The following ITGA9 variants were observed in gnomAD, a reference collection of about 807,000 sequenced individuals.
ITGA9 encodes the protein integrin subunit alpha 9.
In ITGA9, 56 loss-of-function variants were observed where a neutral mutation model predicts 127.8. The observed-to-expected ratio is 0.44, with a 90% CI of 0.35 to 0.55. The LOEUF is 0.55. Ranked by LOEUF, ITGA9 falls within the 20% of genes least tolerant of loss-of-function variation. ITGA9 has a pLI of 0.00. For missense variants in ITGA9, 1,196 were observed against 1,347.1 expected (o/e 0.89, Z 1.76); for synonymous variants, 508 against 514.5 (o/e 0.99, Z 0.17).
intron 18 of ITGA9, among the ~76,000 whole-genome samples, chr3:37,730,573 G>A (rs746604845): frequency 6.6e-6 from 1 of 152,138 alleles, no homozygotes; most frequent in African/African-American, 2.4e-5. Context: ...TCTCTGCTGG[G>A]AGGTCCCCAC....
At chr3:37,803,701 GAGGTAGAGGTTGC>G (rs1391035730) in intron 26 of ITGA9, 109 bp from the exon 27 acceptor site, 2 of 1,088,704 alleles carry the variant, frequency 1.8e-6, no homozygotes, top group African/African-American at 3.1e-5. Flanking sequence ...TTGAACCCAG[GAGGTAGAGGTTGC>G]AGTGAGCCGA....
At chr3:37,674,506 A>T (rs1169035563) in intron 17 of ITGA9, among the ~76,000 whole-genome samples, 1 of 152,228 alleles carries the variant, frequency 6.6e-6, no homozygotes, top group Non-Finnish European at 1.5e-5. Context: ...GTCCCTAGTG[A>T]GTCTACCCAA....
At chr3:37,739,694 T>C (rs1375089613) in intron 20 of ITGA9, among the ~76,000 whole-genome samples, 6 of 152,236 alleles carry the variant, frequency 3.9e-5, no homozygotes, top group African/African-American at 1.4e-4. Flanking sequence ...CTTTTGATGT[T>C]TGACGTCTTT....
chr3:37,523,751 G>A (rs1559527781), intron 12 of ITGA9, 140 bp downstream of exon 12: 2 of 728,970 alleles, frequency 2.7e-6, no homozygotes, highest in Non-Finnish European at 5.0e-6. Flanking sequence ...GTTTTGCCTG[G>A]TGTTCAATTT....
chr3:37,638,277 G>A (rs1030488250), intron 16 of ITGA9, among the ~76,000 whole-genome samples: 4 of 152,036 alleles, frequency 2.6e-5, no homozygotes, highest in African/African-American at 4.8e-5. Context: ...TGGAGAGGAG[G>A]ACTCAGTATG....
At chr3:37,503,977 G>A (rs1479686758) in intron 6 of ITGA9, among the ~76,000 whole-genome samples, 1 of 152,218 alleles carries the variant, frequency 6.6e-6, no homozygotes, top group Non-Finnish European at 1.5e-5. Flanking sequence ...GATTGAAAGC[G>A]AAGCTAAATT....
chr3:37,504,792 G>A (rs1222438841), intron 6 of ITGA9, among the ~76,000 whole-genome samples: 1 of 152,204 alleles, frequency 6.6e-6, no homozygotes, highest in Non-Finnish European at 1.5e-5. Context: ...TCGCCAGTCT[G>A]AGAGAAATCA....
rs546138704 is a variant in ITGA9 at position 37,636,172 on chromosome 3, G to A, written c.1839+6836G>A. Among the ~76,000 whole-genome samples the A allele has an allele frequency of 3.9e-5, 6 of 152,270 alleles. No individual in the cohort carries two copies. In the East Asian group the frequency reaches 1.2e-3, roughly 29 times the overall value. The stretch of plus-strand genomic sequence containing the variant: ...AGTAATGGGATGGCTGGGTCAAATG[G>A]CATTTCTGGTTCTAGATCCCTGAGG... On this transcript the variant is annotated intron_variant, in intron 16 of 27. Transcript: ENST00000264741.
chr3:37,808,331 T>C (rs1247517532), intron 27 of ITGA9: 1 of 151,428 alleles, frequency 6.6e-6, no homozygotes, highest in African/African-American at 2.4e-5. Context: ...AGGAAGGGAG[T>C]TGGGAGGGAG....
intron 23 of ITGA9, among the ~76,000 whole-genome samples, chr3:37,773,180 C>T (rs537073553): frequency 6.6e-5 from 10 of 152,330 alleles, no homozygotes; most frequent in Admixed American, 2.6e-4. Flanking sequence ...CCTGAAGCAC[C>T]GATGTGCAGA....
At position 37,816,966 on chromosome 3, in the gene ITGA9, G is replaced by A. The variant is rs1033389754; in HGVS notation, c.3010-1925G>A. Among the ~76,000 whole-genome samples the A allele has an allele frequency of 3.9e-5, 6 of 152,202 alleles. No individual in the cohort carries two copies. The South Asian group carries it at 1.2e-3, about 31-fold the overall frequency. On this transcript the variant is annotated intron_variant, in intron 27 of 27. Transcript: ENST00000264741. ...GGCAACGTGGGTGAAGATACCTGCT[G>A]GCTCTCTTGACAGTTCTCGTCTTTG...
intron 25 of ITGA9, 89 bp from the exon 26 acceptor site, chr3:37,784,888 C>A (rs1451752404): frequency 2.7e-6 from 3 of 1,100,410 alleles, no homozygotes; most frequent in African/African-American, 1.5e-5. Flanking sequence ...TACATGGAAT[C>A]ATGGAATTTC....
chr3:37,658,682 T>C (rs1257417390), intron 17 of ITGA9, among the ~76,000 whole-genome samples: 1 of 152,222 alleles, frequency 6.6e-6, no homozygotes. Flanking sequence ...TTAGCCCATT[T>C]ACATTTAAGG....
At chr3:37,670,425 G>A (rs1700626404) in intron 17 of ITGA9, among the ~76,000 whole-genome samples, 1 of 152,128 alleles carries the variant, frequency 6.6e-6, no homozygotes, top group South Asian at 2.1e-4. Flanking sequence ...TCTTAACCTG[G>A]AGTCTATGTC....
chr3:37,793,375 G>C (rs1697134640), intron 26 of ITGA9, among the ~76,000 whole-genome samples: 1 of 138,688 alleles, frequency 7.2e-6, no homozygotes, highest in African/African-American at 2.7e-5. Context: ...GACTTCCACA[G>C]CCCCAAACAG....
intron 18 of ITGA9, among the ~76,000 whole-genome samples, chr3:37,714,645 G>A (rs750216357): frequency 9.2e-5 from 14 of 152,168 alleles, no homozygotes; most frequent in African/African-American, 2.2e-4. Context: ...CACTCAAAGC[G>A]TGGTCTCCTG....
At position 37,519,302 on chromosome 3, in the gene ITGA9, C is replaced by T. The variant is rs147821910; in HGVS notation, c.1184C>T (p.Ala395Val). ...GAPKEDDFAGAVYIYHGDAGG... is the reference protein window; with the variant it reads ...GAPKEDDFAGVVYIYHGDAGG... ...CCCAAGGAGGATGACTTCGCAGGGG[C>T]GGTCTATATCTATCATGGTGATGCC... The change falls in exon 11 of 28, where the codon GCG (alanine) becomes GTG (valine). Residue 395 changes from alanine to valine, a missense_variant. Ala to Val is a moderately conservative substitution (Grantham distance 64, BLOSUM62 0). Transcript: ENST00000264741. 20 of 1,613,974 alleles carry T rather than the reference C, an allele frequency of 1.2e-5. No homozygotes were observed. The highest frequency in any genetic ancestry group is 3.3e-5 in the South Asian group (3 of 91,074).
chr3:37,631,153 C>T (rs530553314), intron 16 of ITGA9, among the ~76,000 whole-genome samples: 30 of 152,260 alleles, frequency 2.0e-4, no homozygotes, highest in African/African-American at 6.7e-4. Flanking sequence ...ACTTGGGTTA[C>T]GGAAGTTACC....
chr3:37,601,407 CAG>C (rs780847854), intron 15 of ITGA9, among the ~76,000 whole-genome samples: 4 of 152,168 alleles, frequency 2.6e-5, no homozygotes, highest in Non-Finnish European at 5.9e-5. Context: ...AATGAGAGAG[CAG>C]AGAGTCCTTT....
Sources: allele counts gnomAD v4.1 joint callset (sites outside exome capture counted in the v4.1 genomes callset), GRCh38; gene constraint gnomAD v4.1.1; transcripts MANE v1.5; gene names NCBI Gene and HGNC (gene_info 2026-07-23, HGNC 2026-07-21).